DIP2B: variants seen among roughly 807,000 people sequenced by gnomAD.
DIP2B encodes the protein DIP2 acetate--CoA ligase B (putative), also known as disco-interacting protein 2 homolog B.
Under a neutral mutation model 198.0 loss-of-function variants are expected in DIP2B, and 76 were observed. The observed-to-expected ratio is 0.38, with a 90% CI of 0.32 to 0.46. DIP2B has a LOEUF of 0.46. DIP2B is among the 20% of genes least tolerant of loss of function. The pLI, the probability that DIP2B is intolerant of heterozygous loss-of-function variation, is 0.99. For missense variants in DIP2B, 1,559 were observed against 1,978.4 expected (o/e 0.79, Z 4.02); for synonymous variants, 701 against 739.1 (o/e 0.95, Z 0.84).
rs1200473412 is a variant in DIP2B, at chr12:50,686,691, T to C, written c.1551+9T>C. On this transcript the variant is annotated intron_variant, in intron 12 of 37. Transcript: ENST00000301180. ...AACCGGCATACATTGAGGTAAGTCC[T>C]AAGATGTAAAATATGCTTTCAGGCT... The C allele has an allele frequency of 6.2e-7, 1 of 1,610,768 alleles. No individual in the cohort carries two copies. The highest frequency in any genetic ancestry group is 1.7e-5 in the Admixed American group (1 of 59,332).
At chr12:50,700,614 G>T (rs998842274) in intron 19 of DIP2B, among the ~76,000 whole-genome samples, 1 of 152,184 alleles carries the variant, frequency 6.6e-6, no homozygotes, top group Non-Finnish European at 1.5e-5. Context: ...AAAGGGCTAA[G>T]AGCTCCTGGG....
chr12:50,704,517 T>C (rs935201322), intron 20 of DIP2B, among the ~76,000 whole-genome samples: 7 of 152,254 alleles, frequency 4.6e-5, no homozygotes, highest in African/African-American at 1.7e-4. Context: ...ATTCTCACTA[T>C]CTCGCTCTGA....
intron 19 of DIP2B, among the ~76,000 whole-genome samples, chr12:50,702,104 C>G (rs1939427747): frequency 6.6e-6 from 1 of 152,010 alleles, no homozygotes; most frequent in Non-Finnish European, 1.5e-5. Context: ...AATCCCAGCA[C>G]TTTGGGAGGC....
rs1939556281 is a variant in DIP2B, at chr12:50,708,545, A to G, written c.2632A>G (p.Met878Val). 2 of 1,597,406 alleles carry G rather than the reference A, an allele frequency of 1.3e-6. No homozygotes were observed. Among genetic ancestry groups the G allele is most frequent in the African/African-American group, 1.3e-5 (1 of 74,754 alleles). ...DASEEDSFQWMSRVLQAIDSI... is the reference protein window; with the variant it reads ...DASEEDSFQWVSRVLQAIDSI... Reference sequence around the variant, plus strand: ...TTCTGAGGAAGATAGTTTCCAGTGGATGAGCCGCGTGCTGCAGGTGAGCAC... The same window carrying G: ...TTCTGAGGAAGATAGTTTCCAGTGGGTGAGCCGCGTGCTGCAGGTGAGCAC... Residue 878 changes from methionine (M) to valine (V), a missense_variant, in exon 22 of 38, where the codon ATG becomes GTG. Physicochemically the swap from Met to Val is conservative, Grantham distance 21. Transcript: ENST00000301180.
At chr12:50,626,708 T>G (rs1224323434) in intron 2 of DIP2B, among the ~76,000 whole-genome samples, 1 of 152,144 alleles carries the variant, frequency 6.6e-6, no homozygotes, top group East Asian at 1.9e-4. Flanking sequence ...TTGTCTTTAT[T>G]TCTGATTTTC....
intron 1 of DIP2B, among the ~76,000 whole-genome samples, chr12:50,572,629 C>T (rs1958625407): frequency 6.6e-6 from 1 of 152,218 alleles, no homozygotes; most frequent in Admixed American, 6.5e-5. Flanking sequence ...TGAATCTCTT[C>T]TCTTCCATTC....
intron 1 of DIP2B, among the ~76,000 whole-genome samples, chr12:50,554,327 A>C (rs976599796): frequency 6.6e-6 from 1 of 152,186 alleles, no homozygotes; most frequent in African/African-American, 2.4e-5. Flanking sequence ...TTTAATACTT[A>C]AGTTATGACT....
At chr12:50,649,855 CAAAAA>C (rs957819912) in intron 3 of DIP2B, among the ~76,000 whole-genome samples, 1 of 144,570 alleles carries the variant, frequency 6.9e-6, no homozygotes, top group Non-Finnish European at 1.5e-5. Context: ...GACTTTGTCT[CAAAAA>C]AAAAAGTATA....
In DIP2B at chr12:50,680,641, T is replaced by C. The variant is rs768244347; in HGVS notation, c.1115-31T>C. The stretch of plus-strand genomic sequence containing the variant: ...AGGTAGACCTGTTTTTTTTTCTATA[T>C]GACTGTTGTTTTTTTTTCCTTTTTT... On this transcript the variant is annotated intron_variant, in intron 8 of 37. Coordinates refer to ENST00000301180, the MANE Select transcript of DIP2B (RefSeq NM_173602.3). The C allele has an allele frequency of 1.4e-5, 22 of 1,597,586 alleles. No individual in the cohort carries two copies. The African/African-American group carries it at 1.5e-4, about 11-fold the overall frequency.
chr12:50,653,328 C>CTTTTTTTTTTT (rs71086465), intron 3 of DIP2B, among the ~76,000 whole-genome samples: 1 of 116,310 alleles, frequency 8.6e-6, no homozygotes, highest in African/African-American at 3.3e-5. Flanking sequence ...GTCTTTCTTT[C>CTTTTTTTTTTT]TTTTTTTTTT....
intron 2 of DIP2B, among the ~76,000 whole-genome samples, chr12:50,636,336 A>G (rs972653409): frequency 5.3e-5 from 8 of 152,226 alleles, no homozygotes; most frequent in African/African-American, 1.9e-4. Flanking sequence ...GGCTCATAGC[A>G]TAATGGAAAG....
chr12:50,550,663 T>TC (rs1460834386), intron 1 of DIP2B, among the ~76,000 whole-genome samples: 1 of 152,150 alleles, frequency 6.6e-6, no homozygotes, highest in East Asian at 1.9e-4. Flanking sequence ...GGTTTCTTAG[T>TC]CAGTGCTTGT....
intron 1 of DIP2B, among the ~76,000 whole-genome samples, chr12:50,551,187 G>T (rs1958424014): frequency 6.6e-6 from 1 of 152,162 alleles, no homozygotes; most frequent in South Asian, 2.1e-4. Flanking sequence ...ACTTTGGGAG[G>T]CTGATGAGGG....
At chr12:50,551,981 TTCCC>T (rs1296346365) in intron 1 of DIP2B, among the ~76,000 whole-genome samples, 2 of 152,148 alleles carry the variant, frequency 1.3e-5, no homozygotes, top group Non-Finnish European at 2.9e-5. Context: ...TTTGAGGAAG[TTCCC>T]TACTGTTTTT....
intron 1 of DIP2B, among the ~76,000 whole-genome samples, chr12:50,548,089 A>G (rs1038110433): frequency 6.6e-6 from 1 of 152,134 alleles, no homozygotes; most frequent in African/African-American, 2.4e-5. Flanking sequence ...AAAAATAAAT[A>G]AAATGTGTAT....
At chr12:50,684,250 C>A (rs1278955738) in intron 10 of DIP2B, among the ~76,000 whole-genome samples, 1 of 152,144 alleles carries the variant, frequency 6.6e-6, no homozygotes, top group Non-Finnish European at 1.5e-5. Flanking sequence ...AAAGGGATTT[C>A]CTCTAACTGT....
chr12:50,731,280 C>T, intron 30 of DIP2B, 89 bp from the exon 31 acceptor site: 2 of 1,481,128 alleles, frequency 1.4e-6, no homozygotes, highest in Non-Finnish European at 1.8e-6. Context: ...CCTTTACACT[C>T]AGTAAATATC....
At chr12:50,569,002 C>T (rs1288328811) in intron 1 of DIP2B, among the ~76,000 whole-genome samples, 2 of 151,332 alleles carry the variant, frequency 1.3e-5, no homozygotes, top group African/African-American at 4.9e-5. Context: ...TCCCTCCCCT[C>T]TCAACTAATT....
chr12:50,684,070 G>C (rs1477002778), intron 10 of DIP2B, among the ~76,000 whole-genome samples: 1 of 152,062 alleles, frequency 6.6e-6, no homozygotes, highest in African/African-American at 2.4e-5. Flanking sequence ...CTGTGATTGC[G>C]CCACTGCACT....
Sources: gnomAD v4.1 joint callset for allele counts (sites outside exome capture counted in the v4.1 genomes callset) on GRCh38, gnomAD v4.1.1 for gene constraint, MANE v1.5 for transcripts, NCBI Gene and HGNC (gene_info 2026-07-23, HGNC 2026-07-21) for gene names.